ATOSA: variants seen among roughly 807,000 people sequenced by gnomAD.
ATOSA encodes the protein atos homolog A, also known as atos homolog protein A.
the ATOSA span, among the ~76,000 whole-genome samples, chr15:52,615,459 GAC>G: frequency 6.6e-6 from 1 of 152,172 alleles, no homozygotes; most frequent in African/African-American, 2.4e-5. Context: ...GTAATAGGAG[GAC>G]ACAGAGTCGT....
the ATOSA span, among the ~76,000 whole-genome samples, chr15:52,654,518 T>C: frequency 3.9e-5 from 6 of 152,090 alleles, no homozygotes; most frequent in Non-Finnish European, 5.9e-5. Context: ...TATACACAAG[T>C]GTTAGTCCCA....
the ATOSA span, among the ~76,000 whole-genome samples, chr15:52,650,444 T>C: frequency 2.4e-4 from 37 of 152,354 alleles, no homozygotes; most frequent in African/African-American, 7.7e-4. Flanking sequence ...AACATTTTTT[T>C]AATCTTTAAG....
the ATOSA span, among the ~76,000 whole-genome samples, chr15:52,589,201 T>C: frequency 6.6e-6 from 1 of 152,238 alleles, no homozygotes; most frequent in African/African-American, 2.4e-5. Flanking sequence ...ACAATTTATC[T>C]CTTACAATCT....
At chr15:52,593,302 C>A in the ATOSA span, 1 of 336,132 alleles carries the variant, frequency 3.0e-6, no homozygotes, top group Admixed American at 4.7e-5. Context: ...TGTGTGAACT[C>A]AGCAAGATGG....
chr15:52,637,995 G>A, the ATOSA span, among the ~76,000 whole-genome samples: 79 of 152,168 alleles, frequency 5.2e-4, no homozygotes, highest in African/African-American at 1.9e-3. Flanking sequence ...GTAATGCCTA[G>A]CTATACAATG....
chr15:52,632,982 T>C, the ATOSA span, among the ~76,000 whole-genome samples: 1 of 152,202 alleles, frequency 6.6e-6, no homozygotes, highest in Non-Finnish European at 1.5e-5. Context: ...AAACATTCAC[T>C]GTAGAATTCA....
At chr15:52,618,891 T>C in the ATOSA span, among the ~76,000 whole-genome samples, 19 of 152,206 alleles carry the variant, frequency 1.2e-4, no homozygotes, top group African/African-American at 4.1e-4. Context: ...TTGGTTGCTT[T>C]GGTCATTGTC....
the ATOSA span, among the ~76,000 whole-genome samples, chr15:52,707,851 A>G: frequency 1.3e-5 from 2 of 152,174 alleles, no homozygotes; most frequent in African/African-American, 2.4e-5. Flanking sequence ...GTATGTTTGT[A>G]AGAATGAGAA....
the ATOSA span, among the ~76,000 whole-genome samples, chr15:52,639,904 C>G: frequency 1.3e-5 from 2 of 151,790 alleles, no homozygotes; most frequent in Non-Finnish European, 2.9e-5. Context: ...GCACCCGCCA[C>G]CATACCCAGC....
At chr15:52,634,697 G>A in the ATOSA span, among the ~76,000 whole-genome samples, 1 of 151,408 alleles carries the variant, frequency 6.6e-6, no homozygotes, top group Admixed American at 6.6e-5. Flanking sequence ...TGCCTTATGG[G>A]TTCAAGCAAT....
At chr15:52,676,400 A>C in the ATOSA span, among the ~76,000 whole-genome samples, 1 of 152,224 alleles carries the variant, frequency 6.6e-6, no homozygotes, top group African/African-American at 2.4e-5. Context: ...GAAATAGAAT[A>C]GAAAATACAA....
chr15:52,591,856 G>C, the ATOSA span, among the ~76,000 whole-genome samples: 1 of 152,060 alleles, frequency 6.6e-6, no homozygotes, highest in Non-Finnish European at 1.5e-5. Context: ...TTTGTGAAGG[G>C]GGCCTCTTCT....
At chr15:52,652,827 CT>C in the ATOSA span, among the ~76,000 whole-genome samples, 1 of 152,086 alleles carries the variant, frequency 6.6e-6, no homozygotes, top group African/African-American at 2.4e-5. Flanking sequence ...GAAGTATAGA[CT>C]TTTTTTCAGG....
the ATOSA span, among the ~76,000 whole-genome samples, chr15:52,647,584 G>A: frequency 6.6e-6 from 1 of 152,182 alleles, no homozygotes; most frequent in African/African-American, 2.4e-5. Context: ...GTCACCTTTA[G>A]CTCAGTTCTA....
At chr15:52,678,466 C>CT in the ATOSA span, 1 of 170,294 alleles carries the variant, frequency 5.9e-6, no homozygotes, top group Non-Finnish European at 1.3e-5. Context: ...ACAGAGGCAC[C>CT]TCCGCAGGGC....
At chr15:52,582,893 T>C in the ATOSA span, among the ~76,000 whole-genome samples, 5 of 152,240 alleles carry the variant, frequency 3.3e-5, no homozygotes, top group African/African-American at 4.8e-5. Flanking sequence ...ACTGCTAATA[T>C]CTGTAATACA....
chr15:52,611,575 T>C, the ATOSA span: 145,123 of 1,613,552 alleles, frequency 0.09, 7,281 homozygotes, highest in Middle Eastern at 0.15. Context: ...AACAACTTAC[T>C]GTCGAGGAAC....
At chr15:52,664,025 TAA>T in the ATOSA span, among the ~76,000 whole-genome samples, 1 of 152,232 alleles carries the variant, frequency 6.6e-6, no homozygotes. Flanking sequence ...AGAGCAGGCA[TAA>T]GTTTCTTTTT....
the ATOSA span, among the ~76,000 whole-genome samples, chr15:52,699,418 T>C: frequency 6.6e-6 from 1 of 151,862 alleles, no homozygotes; most frequent in South Asian, 2.1e-4. Flanking sequence ...TGGGTCCTCC[T>C]CCTGGTCCAA....
Sources: allele counts gnomAD v4.1 joint callset (sites outside exome capture counted in the v4.1 genomes callset), GRCh38; gene constraint gnomAD v4.1.1; transcripts MANE v1.5; gene names NCBI Gene and HGNC (gene_info 2026-07-23, HGNC 2026-07-21).